The following ASAP2 variants were observed in gnomAD, a reference collection of about 807,000 sequenced individuals.
The protein encoded by ASAP2 is ArfGAP with SH3 domain, ankyrin repeat and PH domain 2.
ASAP2 carries 45 observed loss-of-function variants against 131.4 expected under a neutral mutation model. The observed-to-expected ratio is 0.34, with a 90% CI of 0.27 to 0.44. The LOEUF is 0.44. Among genes scored for constraint, ASAP2 ranks in the 20% least tolerant of loss-of-function variants. The probability of loss-of-function intolerance (pLI) is 1.00; values close to 1 mark genes in which losing one functional copy is unlikely to be tolerated. For missense variants in ASAP2, 1,011 were observed against 1,297.0 expected, an observed-to-expected ratio of 0.78 and a Z score of 3.39; for synonymous variants, 510 against 503.0, an observed-to-expected ratio of 1.01 and a Z score of -0.19.
Position 9,363,653 on chromosome 2 carries a change from G to A in ASAP2, c.1461+4764G>A, listed in dbSNP as rs1252836325. 7.9e-5 allele frequency among the ~76,000 whole-genome samples: 12 copies of A among 152,052 alleles called. No individual in the cohort carries two copies. In the South Asian group the frequency reaches 2.1e-3, roughly 26 times the overall value. ...GGCTGGAGTGCAGTGGTGCCATCTC[G>A]GTTCAGTGCAGCCTCTACCTCCCAG... On this transcript the variant is annotated intron_variant, in intron 15 of 27. Coordinates refer to ENST00000281419, the MANE Select transcript of ASAP2 (RefSeq NM_003887.3).
At chr2:9,238,523 A>G (rs141917478) in intron 1 of ASAP2, among the ~76,000 whole-genome samples, 158 of 152,312 alleles carry the variant, frequency 1.0e-3, no homozygotes, top group Admixed American at 1.8e-3. Context: ...GTCTTACTGG[A>G]AATGTCTTTC....
intron 24 of ASAP2, among the ~76,000 whole-genome samples, chr2:9,394,632 C>T (rs1163795226): frequency 6.6e-6 from 1 of 152,192 alleles, no homozygotes; most frequent in Non-Finnish European, 1.5e-5. Context: ...TGGATACATA[C>T]ATACACCACT....
Position 9,268,023 on chromosome 2 carries a change from C to T in ASAP2, c.127-11294C>T, listed in dbSNP as rs1158751221. 6.6e-6 allele frequency among the ~76,000 whole-genome samples: 1 copy of T among 152,114 alleles called. No homozygotes were observed. The highest frequency in any genetic ancestry group is 2.4e-5 in the African/African-American group (1 of 41,422). On this transcript the variant is annotated intron_variant, in intron 1 of 27. Coordinates refer to ENST00000281419, the MANE Select transcript of ASAP2 (RefSeq NM_003887.3). The surrounding 1 kb of genome is among the most constrained non-coding windows in gnomAD (Gnocchi z 4.1). The stretch of plus-strand genomic sequence containing the variant: ...AAGCTTCCCCTGCCCTGACTGCAGC[C>T]CTCAGCTTGCCTCAGTTTGTAGTTT...
chr2:9,244,535 G>A (rs922940185), intron 1 of ASAP2, among the ~76,000 whole-genome samples: 2 of 152,180 alleles, frequency 1.3e-5, no homozygotes, highest in East Asian at 1.9e-4. Flanking sequence ...CAGAGTGTGC[G>A]ACACAGTTAA....
chr2:9,372,855 C>T (rs1674088704), intron 16 of ASAP2, among the ~76,000 whole-genome samples: 1 of 152,106 alleles, frequency 6.6e-6, no homozygotes, highest in Non-Finnish European at 1.5e-5. Flanking sequence ...AGCAGTTAGC[C>T]GAACGTGCAC....
At position 9,353,936 on chromosome 2, in the gene ASAP2, C is replaced by G. The variant is rs189830644; in HGVS notation, c.1112-2111C>G. On this transcript the variant is annotated intron_variant, in intron 12 of 27. Transcript: ENST00000281419. ...GCTGCAGTGAGCTGTGATTGTGCCACTGCACTGTAGCCTGGGTAATAGAGG... is the reference window on the plus strand; with the variant it reads ...GCTGCAGTGAGCTGTGATTGTGCCAGTGCACTGTAGCCTGGGTAATAGAGG... 2.3e-3 allele frequency among the ~76,000 whole-genome samples: 348 copies of G among 152,224 alleles called. 1 individual carries two copies. Among genetic ancestry groups the G allele is most frequent in the Non-Finnish European group, 3.8e-3 (257 of 68,012 alleles).
chr2:9,327,628 T>C (rs1181697888), intron 6 of ASAP2, among the ~76,000 whole-genome samples, 198 bp from the exon 7 acceptor site: 3 of 152,166 alleles, frequency 2.0e-5, no homozygotes, highest in Non-Finnish European at 4.4e-5. Context: ...TATTTAATTA[T>C]CTGACTGTCA....
intron 24 of ASAP2, chr2:9,399,766 G>T: frequency 1.9e-6 from 1 of 534,888 alleles, no homozygotes; most frequent in Non-Finnish European, 3.4e-6. Context: ...CCAGACCCTG[G>T]CCATCGGTGG....
At chr2:9,351,934 G>A (rs1447448335) in intron 12 of ASAP2, among the ~76,000 whole-genome samples, 1 of 152,164 alleles carries the variant, frequency 6.6e-6, no homozygotes, top group Non-Finnish European at 1.5e-5. Context: ...AGACTGATTT[G>A]TAAAATAAAA....
intron 15 of ASAP2, among the ~76,000 whole-genome samples, chr2:9,359,609 A>G (rs1672954229): frequency 6.6e-6 from 1 of 152,202 alleles, no homozygotes; most frequent in African/African-American, 2.4e-5. Flanking sequence ...CAGTAAGTAG[A>G]TAGTGATTGG....
At chr2:9,338,343 CTCTA>C (rs1671356868) in intron 9 of ASAP2, among the ~76,000 whole-genome samples, 2 of 150,776 alleles carry the variant, frequency 1.3e-5, no homozygotes, top group South Asian at 4.1e-4. Context: ...CTCTGTCTGT[CTCTA>C]TCTCTCTCTC....
intron 9 of ASAP2, among the ~76,000 whole-genome samples, chr2:9,338,327 A>G (rs867042657): frequency 8.0e-5 from 12 of 150,274 alleles, no homozygotes; most frequent in African/African-American, 2.0e-4. Context: ...GTGTCTGTCT[A>G]TCTCTCTCTG....
At chr2:9,322,944 G>A (rs954880412) in intron 5 of ASAP2, among the ~76,000 whole-genome samples, 177 bp from the exon 6 acceptor site, 3 of 152,184 alleles carry the variant, frequency 2.0e-5, no homozygotes, top group Non-Finnish European at 4.4e-5. Context: ...GGGAAGACCC[G>A]GTTTGACATC....
At chr2:9,254,337 T>G (rs1339648323) in intron 1 of ASAP2, among the ~76,000 whole-genome samples, 1 of 140,784 alleles carries the variant, frequency 7.1e-6, no homozygotes, top group Non-Finnish European at 1.5e-5. Flanking sequence ...TTAATGTGCC[T>G]AATTTATAAA....
At chr2:9,400,911 A>G (rs975189329) in intron 26 of ASAP2, 81 bp downstream of exon 26, 1 of 1,350,816 alleles carries the variant, frequency 7.4e-7, no homozygotes, top group African/African-American at 1.4e-5. Context: ...AGGGGAAGCA[A>G]GTCTTCCCCT....
chr2:9,298,911 C>A (rs1668320208), intron 3 of ASAP2, among the ~76,000 whole-genome samples: 1 of 152,066 alleles, frequency 6.6e-6, no homozygotes. Flanking sequence ...TACGGGAAGA[C>A]TGGGATGCAG....
intron 1 of ASAP2, among the ~76,000 whole-genome samples, chr2:9,276,331 G>C (rs1278171136): frequency 1.3e-5 from 2 of 152,134 alleles, no homozygotes; most frequent in Admixed American, 6.5e-5. Flanking sequence ...AGGGGGAGGG[G>C]GAGCCACAGG....
rs144985426 is a variant in ASAP2, at chr2:9,274,057, C to T, written c.127-5260C>T. 1.9e-3 allele frequency among the ~76,000 whole-genome samples: 291 copies of T among 152,278 alleles called. 1 individual carries two copies. The highest frequency in any genetic ancestry group is 6.7e-3 in the African/African-American group (279 of 41,548). ...TTGGAGGTTAGAAACAGGATGGAGT[C>T]AGTTATGTCAGATCTCTTTCACTGT... On this transcript the variant is annotated intron_variant, in intron 1 of 27. Transcript: ENST00000281419.
chr2:9,341,237 G>A (rs920872647), intron 9 of ASAP2, among the ~76,000 whole-genome samples: 3 of 152,186 alleles, frequency 2.0e-5, no homozygotes, highest in African/African-American at 7.2e-5. Context: ...CTGGTCAGGC[G>A]TTTTGTACAG....
Sources: gnomAD v4.1 joint callset for allele counts (sites outside exome capture counted in the v4.1 genomes callset) on GRCh38, gnomAD v4.1.1 for gene constraint, Gnocchi (gnomAD v3.1) non-coding constraint, MANE v1.5 for transcripts, NCBI Gene and HGNC (gene_info 2026-07-23, HGNC 2026-07-21) for gene names.